The following AGTPBP1 variants were observed in gnomAD, a reference collection of about 807,000 sequenced individuals.
AGTPBP1 encodes the protein ATP/GTP binding carboxypeptidase 1.
In AGTPBP1, 70 loss-of-function variants were observed where a neutral mutation model predicts 143.9. The observed-to-expected ratio is 0.49, with a 90% CI of 0.40 to 0.59. The LOEUF is 0.59. Among genes scored for constraint, AGTPBP1 ranks in the 20% least tolerant of loss-of-function variants. AGTPBP1 has a pLI of 0.00. For missense variants in AGTPBP1, 1,229 were observed against 1,464.5 expected, an observed-to-expected ratio of 0.84 and a Z score of 2.62; for synonymous variants, 463 against 500.2, an observed-to-expected ratio of 0.93 and a Z score of 0.99.
chr9:85,667,265 C>T (rs9785263), intron 8 of AGTPBP1, among the ~76,000 whole-genome samples: 49,011 of 151,904 alleles, frequency 0.32, 9,469 homozygotes, highest in East Asian at 0.54. Flanking sequence ...AATAAATAGT[C>T]ATATGTGCAA....
rs187620783 is a variant in AGTPBP1 at position 85,574,334 on chromosome 9, G to A, written c.3503+981C>T. ...AAGTACCCAGGGACACAAACACTGC[G>A]GAGGGCCGCAGGGTCCTCTGCCTAG... On this transcript the variant is annotated intron_variant, in intron 25 of 25. Transcript: ENST00000357081. 3.6e-3 allele frequency among the ~76,000 whole-genome samples: 543 copies of A among 152,156 alleles called. 2 individuals carry two copies. Among genetic ancestry groups the A allele is most frequent in the African/African-American group, 0.012 (496 of 41,490 alleles).
intron 3 of AGTPBP1, among the ~76,000 whole-genome samples, chr9:85,688,357 T>A (rs1167549928): frequency 2.0e-5 from 3 of 152,126 alleles, no homozygotes; most frequent in African/African-American, 7.2e-5. Context: ...TATTATAGAA[T>A]GTTCAGCAAC....
At chr9:85,702,882 T>G (rs1836761999) in intron 2 of AGTPBP1, among the ~76,000 whole-genome samples, 1 of 152,162 alleles carries the variant, frequency 6.6e-6, no homozygotes, top group Non-Finnish European at 1.5e-5. Flanking sequence ...TTGAATAGTC[T>G]GCCTGATCTG....
chr9:85,669,910 T>A (rs902527302), intron 7 of AGTPBP1, among the ~76,000 whole-genome samples: 2 of 151,616 alleles, frequency 1.3e-5, no homozygotes, highest in Non-Finnish European at 2.9e-5. Flanking sequence ...GAAACAAGAA[T>A]AAAATCTCTG....
At chr9:85,677,745 G>A (rs1834923529) in intron 5 of AGTPBP1, among the ~76,000 whole-genome samples, 163 bp from the exon 6 acceptor site, 1 of 152,164 alleles carries the variant, frequency 6.6e-6, no homozygotes, top group Non-Finnish European at 1.5e-5. Flanking sequence ...GCTCACGCCT[G>A]TAATCACAGC....
chr9:85,797,534 A>G, the AGTPBP1 span, among the ~76,000 whole-genome samples: 1 of 152,148 alleles, frequency 6.6e-6, no homozygotes, highest in East Asian at 1.9e-4. Flanking sequence ...TTTCTTGGAG[A>G]TATCCCTTCT....
At chr9:85,550,562 C>A (rs912920170) in intron 25 of AGTPBP1, among the ~76,000 whole-genome samples, 7 of 152,164 alleles carry the variant, frequency 4.6e-5, no homozygotes, top group African/African-American at 1.7e-4. Context: ...TGAACAAGTT[C>A]ATCTATTTTC....
intron 1 of AGTPBP1, among the ~76,000 whole-genome samples, chr9:85,712,871 C>T (rs560217169): frequency 6.6e-6 from 1 of 152,262 alleles, no homozygotes; most frequent in East Asian, 1.9e-4. Context: ...TCAAATTATG[C>T]TTTCTGTTCT....
At chr9:85,579,589 G>A (rs1358967779) in intron 23 of AGTPBP1, among the ~76,000 whole-genome samples, 1 of 150,100 alleles carries the variant, frequency 6.7e-6, no homozygotes, top group African/African-American at 2.5e-5. Flanking sequence ...AATTGTGTGT[G>A]TGTGTGTGTG....
chr9:85,704,993 T>C (rs1836891279), intron 2 of AGTPBP1, among the ~76,000 whole-genome samples: 1 of 151,060 alleles, frequency 6.6e-6, no homozygotes, highest in South Asian at 2.1e-4. Flanking sequence ...ATAAAAAGTA[T>C]CCAAAATAAA....
At chr9:85,780,422 T>C in the AGTPBP1 span, among the ~76,000 whole-genome samples, 2 of 147,472 alleles carry the variant, frequency 1.4e-5, no homozygotes, top group Non-Finnish European at 3.0e-5. Flanking sequence ...TGGCCTCTTT[T>C]AACAGGTTTT....
rs777260655 is a variant in AGTPBP1 at position 85,589,568 on chromosome 9, T to G, written c.2682A>C (p.Ala894=). 5.6e-6 allele frequency: 9 copies of G among 1,612,068 alleles called. No homozygotes were observed. Among genetic ancestry groups the G allele is most frequent in the Non-Finnish European group, 8.5e-7 (1 of 1,179,278 alleles). ...GTTCATAATAATTAGACTCTGGCAT[T>G]GCTGTTATAGTCACCAAGGGGCAGC... ...GNSCPLVTIT[A]MPESNYYEHI... The change falls in exon 20 of 26, where the codon GCA becomes GCC. Residue 894 remains alanine, a synonymous_variant. Transcript: ENST00000357081.
chr9:85,666,261 T>C (rs1834124974), intron 8 of AGTPBP1, among the ~76,000 whole-genome samples: 1 of 152,124 alleles, frequency 6.6e-6, no homozygotes, highest in African/African-American at 2.4e-5. Flanking sequence ...AATAACCTCC[T>C]GAGTTGCTTC....
At chr9:85,708,329 A>G (rs1207404469) in intron 2 of AGTPBP1, among the ~76,000 whole-genome samples, 1 of 152,142 alleles carries the variant, frequency 6.6e-6, no homozygotes, top group East Asian at 1.9e-4. Flanking sequence ...CTACATCAAG[A>G]TGCTCAATTT....
intron 17 of AGTPBP1, among the ~76,000 whole-genome samples, chr9:85,600,633 C>G (rs1829603917): frequency 6.6e-6 from 1 of 152,134 alleles, no homozygotes; most frequent in Non-Finnish European, 1.5e-5. Context: ...CTACAGACTC[C>G]TCCAATCCTA....
At chr9:85,748,166 T>C in the AGTPBP1 span, among the ~76,000 whole-genome samples, 2 of 152,216 alleles carry the variant, frequency 1.3e-5, no homozygotes, top group East Asian at 3.8e-4. Context: ...AGTTCACTAG[T>C]GCTCTCTCTG....
At chr9:85,787,482 T>C in the AGTPBP1 span, among the ~76,000 whole-genome samples, 1 of 152,198 alleles carries the variant, frequency 6.6e-6, no homozygotes, top group African/African-American at 2.4e-5. Context: ...ATAACCTCCT[T>C]AGTCAGGCTT....
At chr9:85,595,868 T>G (rs541998550) in intron 18 of AGTPBP1, among the ~76,000 whole-genome samples, 11 of 152,306 alleles carry the variant, frequency 7.2e-5, no homozygotes, top group African/African-American at 2.2e-4. Context: ...GATCACATAT[T>G]TACAGTCAAA....
At chr9:85,653,683 T>C (rs77942036) in intron 11 of AGTPBP1, among the ~76,000 whole-genome samples, 2,588 of 152,298 alleles carry the variant, frequency 0.017, 38 homozygotes, top group African/African-American at 0.038. Flanking sequence ...CTGGTGCTAA[T>C]GGCACCTCAA....
Sources: gnomAD v4.1 joint callset for allele counts (sites outside exome capture counted in the v4.1 genomes callset) on GRCh38, gnomAD v4.1.1 for gene constraint, MANE v1.5 for transcripts, NCBI Gene and HGNC (gene_info 2026-07-23, HGNC 2026-07-21) for gene names.